BAIAP2: variants seen among roughly 807,000 people sequenced by gnomAD.
The protein encoded by BAIAP2 is BAR/IMD domain containing adaptor protein 2.
Under a neutral mutation model 63.0 loss-of-function variants are expected in BAIAP2, and 18 were observed. The observed-to-expected ratio is 0.29, with a 90% CI of 0.20 to 0.42. The LOEUF (loss-of-function observed/expected upper bound fraction) is 0.42. Ranked by LOEUF, BAIAP2 falls within the 10% of genes least tolerant of loss-of-function variation. The pLI is 1.00. For missense variants in BAIAP2, 610 were observed against 734.3 expected, an observed-to-expected ratio of 0.83 and a Z score of 1.96; for synonymous variants, 386 against 307.6, an observed-to-expected ratio of 1.25 and a Z score of -2.67.
At chr17:81,056,944 T>TGTTGCGTTTTTCTGC (rs2049687127) in intron 2 of BAIAP2, among the ~76,000 whole-genome samples, 16 of 63,566 alleles carry the variant, frequency 2.5e-4, no homozygotes, top group Admixed American at 8.5e-4. Flanking sequence ...CGTTTTTCTT[T>TGTTGCGTTTTTCTGC]TGTTCGAGGC....
chr17:81,057,863 C>T lies in BAIAP2; in HGVS notation c.131-18C>T. Reference sequence around the variant, plus strand: ...TCCCTCGTGGAGGAAATAACTGCTCCCTTTTCTTCTCTCTCAGGTGTGACG... The same window carrying T: ...TCCCTCGTGGAGGAAATAACTGCTCTCTTTTCTTCTCTCTCAGGTGTGACG... On this transcript the variant is annotated intron_variant, in intron 2 of 13. Transcript: ENST00000428708. The T allele has an allele frequency of 6.2e-7, 1 of 1,605,520 alleles. No homozygotes were observed. The highest frequency in any genetic ancestry group is 8.5e-7 in the Non-Finnish European group (1 of 1,175,004).
At position 81,100,089 on chromosome 17, in the gene BAIAP2, G is replaced by T; in HGVS notation, c.642+9G>T. On this transcript the variant is annotated intron_variant, in intron 7 of 13. Transcript: ENST00000428708. The stretch of plus-strand genomic sequence containing the variant: ...CGGCCTACCACTCCAAGGTGAGGCG[G>T]CTGGGGGCTGCGCTGTGCCGGCGCT... The T allele has an allele frequency of 1.2e-6, 2 of 1,606,758 alleles. No individual in the cohort carries two copies. Among genetic ancestry groups the T allele is most frequent in the Non-Finnish European group, 1.7e-6 (2 of 1,177,318 alleles).
chr17:81,088,807 C>T (rs1452794000), intron 6 of BAIAP2, among the ~76,000 whole-genome samples: 1 of 152,264 alleles, frequency 6.6e-6, no homozygotes, highest in Non-Finnish European at 1.5e-5. Flanking sequence ...ACGGCCGGTA[C>T]TGCCCTGTGG....
intron 3 of BAIAP2, among the ~76,000 whole-genome samples, chr17:81,077,818 C>G (rs999651918): frequency 4.6e-5 from 7 of 151,320 alleles, no homozygotes; most frequent in Admixed American, 4.6e-4. Context: ...CACCTCGGAG[C>G]TGGGTGCTGT....
At chr17:81,089,615 G>C (rs1420477110) in intron 6 of BAIAP2, among the ~76,000 whole-genome samples, 1 of 151,894 alleles carries the variant, frequency 6.6e-6, no homozygotes, top group East Asian at 1.9e-4. Flanking sequence ...AGCCCCCCTC[G>C]TCCGCAGGAG....
At chr17:81,068,286 A>G (rs2051881790) in intron 3 of BAIAP2, among the ~76,000 whole-genome samples, 1 of 152,230 alleles carries the variant, frequency 6.6e-6, no homozygotes, top group African/African-American at 2.4e-5. Flanking sequence ...GTCAATAATC[A>G]GTGAGCACAG....
intron 6 of BAIAP2, among the ~76,000 whole-genome samples, chr17:81,093,167 G>A (rs1362386211): frequency 3.3e-5 from 5 of 152,192 alleles, no homozygotes; most frequent in East Asian, 1.9e-4. Flanking sequence ...AGGGAGCCCC[G>A]GCCCGCTGGA....
At chr17:81,069,252 A>C (rs1283839842) in intron 3 of BAIAP2, among the ~76,000 whole-genome samples, 1 of 152,200 alleles carries the variant, frequency 6.6e-6, no homozygotes, top group Non-Finnish European at 1.5e-5. Flanking sequence ...GCAGGCGGTC[A>C]CATCACTGCA....
At chr17:81,053,597 G>A (rs1188204270) in intron 1 of BAIAP2, 71 bp from the exon 2 acceptor site, 1 of 1,561,838 alleles carries the variant, frequency 6.4e-7, no homozygotes, top group Non-Finnish European at 8.8e-7. Context: ...TTTCTCCTCT[G>A]TGTTCGGACC....
chr17:81,081,063 A>G (rs2054521233), intron 3 of BAIAP2, among the ~76,000 whole-genome samples: 1 of 152,150 alleles, frequency 6.6e-6, no homozygotes, highest in Admixed American at 6.5e-5. Context: ...CTCAGGCCAG[A>G]CCTTGTGCCT....
At chr17:81,056,146 T>C (rs1355237050) in intron 2 of BAIAP2, among the ~76,000 whole-genome samples, 1 of 152,176 alleles carries the variant, frequency 6.6e-6, no homozygotes, top group East Asian at 1.9e-4. Context: ...GTAGGAAGGC[T>C]GAGGCCCGGC....
intron 3 of BAIAP2, among the ~76,000 whole-genome samples, chr17:81,073,003 C>G (rs943485456): frequency 6.6e-6 from 1 of 152,110 alleles, no homozygotes; most frequent in African/African-American, 2.4e-5. Flanking sequence ...TCCCACAGCC[C>G]TGGGTATTGG....
At chr17:81,068,803 A>G (rs1429741211) in intron 3 of BAIAP2, among the ~76,000 whole-genome samples, 1 of 152,142 alleles carries the variant, frequency 6.6e-6, no homozygotes, top group East Asian at 1.9e-4. Flanking sequence ...GGGGGGCCAT[A>G]TCTGGTTGCC....
intron 1 of BAIAP2, 80 bp downstream of exon 1, chr17:81,035,388 A>T: frequency 3.4e-6 from 3 of 883,756 alleles, no homozygotes; most frequent in Non-Finnish European, 4.1e-6. Flanking sequence ...GAGCCCGACC[A>T]GGGCGGCCCC....
chr17:81,056,993 G>A (rs956970533), intron 2 of BAIAP2, among the ~76,000 whole-genome samples: 6 of 152,244 alleles, frequency 3.9e-5, no homozygotes, highest in Admixed American at 3.9e-4. Context: ...ATTCCTCTGT[G>A]GACGTGGTCT....
intron 3 of BAIAP2, among the ~76,000 whole-genome samples, chr17:81,072,980 G>T (rs2052971661): frequency 6.6e-6 from 1 of 152,052 alleles, no homozygotes; most frequent in South Asian, 2.1e-4. Flanking sequence ...ATGGCATCTG[G>T]CCTGGAGCCC....
chr17:81,060,356 C>G (rs2050336327), intron 3 of BAIAP2, among the ~76,000 whole-genome samples: 1 of 152,196 alleles, frequency 6.6e-6, no homozygotes, highest in Non-Finnish European at 1.5e-5. Context: ...CTCCCTCATC[C>G]CCACGCTCCC....
At chr17:81,094,951 C>T (rs1450795972) in intron 6 of BAIAP2, among the ~76,000 whole-genome samples, 1 of 152,240 alleles carries the variant, frequency 6.6e-6, no homozygotes, top group African/African-American at 2.4e-5. Flanking sequence ...ATGAGGTAAA[C>T]CAAAGCCGCC....
intron 10 of BAIAP2, 151 bp downstream of exon 10, chr17:81,104,866 C>A: frequency 1.2e-6 from 1 of 852,808 alleles, no homozygotes; most frequent in Non-Finnish European, 1.8e-6. Context: ...TGAGAGCAAG[C>A]GTGACCTGGG....
Sources: allele counts gnomAD v4.1 joint callset (sites outside exome capture counted in the v4.1 genomes callset), GRCh38; gene constraint gnomAD v4.1.1; transcripts MANE v1.5; gene names NCBI Gene and HGNC (gene_info 2026-07-23, HGNC 2026-07-21).